The following NTNG1 variants were observed in gnomAD, a reference collection of about 807,000 sequenced individuals.
NTNG1 encodes netrin-G1.
NTNG1 carries 16 observed loss-of-function variants against 54.0 expected under a neutral mutation model. The observed-to-expected ratio is 0.30, with a 90% confidence interval of 0.20 to 0.45. NTNG1 has a LOEUF of 0.45. Ranked by LOEUF, NTNG1 falls within the 20% of genes least tolerant of loss-of-function variation. NTNG1 has a pLI of 1.00. For missense variants in NTNG1, 530 were observed against 678.7 expected, an observed-to-expected ratio of 0.78 and a Z score of 2.43; for synonymous variants, 255 against 263.1, an observed-to-expected ratio of 0.97 and a Z score of 0.30.
intron 5 of NTNG1, chr1:107,421,104 T>G: frequency 6.2e-7 from 1 of 1,610,080 alleles, no homozygotes. Context: ...ATTAGCTTTG[T>G]CAACAGTTTC....
At chr1:107,470,651 G>T (rs1021068538) in intron 7 of NTNG1, among the ~76,000 whole-genome samples, 1 of 152,192 alleles carries the variant, frequency 6.6e-6, no homozygotes, top group African/African-American at 2.4e-5. Context: ...GCCTCCCCAT[G>T]AATTCCATCT....
intron 7 of NTNG1, among the ~76,000 whole-genome samples, chr1:107,468,835 C>T (rs970344542): frequency 1.5e-5 from 2 of 130,846 alleles, no homozygotes; most frequent in African/African-American, 2.8e-5. Context: ...TGGTGGCTCA[C>T]GCCTGTAATC....
At chr1:107,391,033 C>T (rs890610209) in intron 3 of NTNG1, among the ~76,000 whole-genome samples, 2 of 152,058 alleles carry the variant, frequency 1.3e-5, no homozygotes, top group Admixed American at 1.3e-4. Context: ...CAGCCACTGA[C>T]ATATACAGGT....
chr1:107,328,731 T>G (rs1668103642), intron 3 of NTNG1, among the ~76,000 whole-genome samples: 1 of 152,136 alleles, frequency 6.6e-6, no homozygotes. Flanking sequence ...TTTTATGAAA[T>G]ATAAACTAAA....
At chr1:107,472,375 C>G (rs1678040367) in intron 7 of NTNG1, among the ~76,000 whole-genome samples, 1 of 152,168 alleles carries the variant, frequency 6.6e-6, no homozygotes, top group Non-Finnish European at 1.5e-5. Context: ...AATCATAAAA[C>G]TTGAGAAAAC....
chr1:107,326,574 C>T (rs1396286701), intron 3 of NTNG1, among the ~76,000 whole-genome samples: 3 of 152,044 alleles, frequency 2.0e-5, no homozygotes, highest in Non-Finnish European at 4.4e-5. Flanking sequence ...AGCAAATATT[C>T]AATTCATCTA....
In NTNG1 at chr1:107,424,664, A is replaced by G. The variant is rs115306417; in HGVS notation, c.1088-6086A>G. 7.6e-3 allele frequency among the ~76,000 whole-genome samples: 1,156 copies of G among 152,214 alleles called. 16 individuals carry two copies. The highest frequency in any genetic ancestry group is 0.027 in the African/African-American group (1,102 of 41,544). On this transcript the variant is annotated intron_variant, in intron 5 of 7. Coordinates refer to ENST00000370068, the MANE Select transcript of NTNG1 (RefSeq NM_001113226.3). ...ATGGAATAGTCATGTAGTGAGATGG[A>G]GAAGCCTGGGTGAGTAGCAAGTTTA...
chr1:107,472,997 C>A (rs1349930713), intron 7 of NTNG1, among the ~76,000 whole-genome samples: 3 of 152,174 alleles, frequency 2.0e-5, no homozygotes, highest in Non-Finnish European at 2.9e-5. Flanking sequence ...ATGTAGCCCA[C>A]ATACCTTTGT....
chr1:107,401,022 C>T (rs1672998128), intron 4 of NTNG1, among the ~76,000 whole-genome samples: 2 of 152,144 alleles, frequency 1.3e-5, no homozygotes, highest in Non-Finnish European at 2.9e-5. Flanking sequence ...GCTACACTGG[C>T]TTCCCATTGA....
intron 7 of NTNG1, among the ~76,000 whole-genome samples, chr1:107,451,011 T>C (rs1676586868): frequency 6.6e-6 from 1 of 152,112 alleles, no homozygotes; most frequent in Non-Finnish European, 1.5e-5. Flanking sequence ...ACTTAACTAT[T>C]ATCAGCTTGG....
At chr1:107,444,587 C>T (rs556050183) in intron 7 of NTNG1, among the ~76,000 whole-genome samples, 2 of 152,256 alleles carry the variant, frequency 1.3e-5, no homozygotes, top group South Asian at 4.1e-4. Flanking sequence ...AGAGAGGGGC[C>T]TCCACTTTGA....
intron 2 of NTNG1, among the ~76,000 whole-genome samples, chr1:107,179,096 G>A (rs1656872654): frequency 6.6e-6 from 1 of 152,156 alleles, no homozygotes; most frequent in South Asian, 2.1e-4. Flanking sequence ...CCAGGGAGGG[G>A]CCCTGAAAGA....
At chr1:107,365,506 T>C (rs893155741) in intron 3 of NTNG1, among the ~76,000 whole-genome samples, 12 of 152,184 alleles carry the variant, frequency 7.9e-5, no homozygotes, top group Admixed American at 2.0e-4. Context: ...TATATATTCA[T>C]TTGCATATAG....
chr1:107,422,258 T>A (rs1348758816), intron 5 of NTNG1, among the ~76,000 whole-genome samples: 1 of 151,916 alleles, frequency 6.6e-6, no homozygotes, highest in Non-Finnish European at 1.5e-5. Context: ...GGGTAACAAA[T>A]CAATTTGGGT....
chr1:107,445,466 G>T (rs1676252466), intron 7 of NTNG1, among the ~76,000 whole-genome samples: 1 of 152,048 alleles, frequency 6.6e-6, no homozygotes, highest in South Asian at 2.1e-4. Flanking sequence ...CTTTGTATGT[G>T]TCGGGAACAT....
intron 5 of NTNG1, among the ~76,000 whole-genome samples, chr1:107,430,102 C>CT (rs1557993272): frequency 6.6e-6 from 1 of 152,170 alleles, no homozygotes; most frequent in East Asian, 1.9e-4. Context: ...TATCTCCCTG[C>CT]TTTTTTTGTC....
At chr1:107,329,723 G>T (rs1022046778) in intron 3 of NTNG1, among the ~76,000 whole-genome samples, 7 of 152,026 alleles carry the variant, frequency 4.6e-5, no homozygotes, top group African/African-American at 1.7e-4. Flanking sequence ...GGGCTTTACT[G>T]CCACTTAACA....
chr1:107,243,822 A>G (rs1662003766), intron 2 of NTNG1, among the ~76,000 whole-genome samples: 1 of 152,118 alleles, frequency 6.6e-6, no homozygotes, highest in Non-Finnish European at 1.5e-5. Flanking sequence ...ATTTTAATGT[A>G]AGGATAGATA....
chr1:107,330,969 G>A (rs1668237847), intron 3 of NTNG1: 1 of 152,066 alleles, frequency 6.6e-6, no homozygotes, highest in African/African-American at 2.4e-5. Flanking sequence ...TCATATTTAA[G>A]TAATAATCCT....
Sources: gnomAD v4.1 joint callset for allele counts (sites outside exome capture counted in the v4.1 genomes callset) on GRCh38, gnomAD v4.1.1 for gene constraint, MANE v1.5 for transcripts, NCBI Gene and HGNC (gene_info 2026-07-23, HGNC 2026-07-21) for gene names.